The following CNOT4 variants were observed in gnomAD, a reference collection of about 807,000 sequenced individuals.
CNOT4 encodes CCR4-associated factor 4.
A neutral mutation model predicts 73.8 loss-of-function variants in CNOT4; 8 were observed. The observed-to-expected ratio is 0.11, with a 90% confidence interval of 0.06 to 0.20. The LOEUF is 0.20. Ranked by LOEUF, CNOT4 falls within the 10% of genes least tolerant of loss-of-function variation. The probability of loss-of-function intolerance (pLI) is 1.00; values close to 1 mark genes in which losing one functional copy is unlikely to be tolerated. For synonymous variants in CNOT4, 293 were observed against 321.1 expected, an observed-to-expected ratio of 0.91 and a Z score of 0.94; for missense variants, 564 against 883.4, an observed-to-expected ratio of 0.64 and a Z score of 4.58.
intron 6 of CNOT4, among the ~76,000 whole-genome samples, chr7:135,411,169 T>C (rs1797569720): frequency 6.6e-6 from 1 of 152,076 alleles, no homozygotes; most frequent in East Asian, 1.9e-4. Flanking sequence ...CTTCCATGAA[T>C]TAGTTTTTGC....
chr7:135,460,673 A>G (rs1800822719), intron 1 of CNOT4, among the ~76,000 whole-genome samples: 1 of 152,194 alleles, frequency 6.6e-6, no homozygotes, highest in Non-Finnish European at 1.5e-5. Context: ...TGTGAGAATT[A>G]CCCAAATGTG....
chr7:135,409,157 T>C (rs1797459062), intron 7 of CNOT4, among the ~76,000 whole-genome samples: 1 of 152,156 alleles, frequency 6.6e-6, no homozygotes, highest in South Asian at 2.1e-4. Context: ...AATAAACCAC[T>C]GTTTACTACA....
intron 2 of CNOT4, among the ~76,000 whole-genome samples, chr7:135,426,071 AGGCATGGT>A (rs2129484715): frequency 6.6e-6 from 1 of 152,040 alleles, no homozygotes; most frequent in Non-Finnish European, 1.5e-5. Context: ...AAAATTATCC[AGGCATGGT>A]GGTGTGCACC....
intron 1 of CNOT4, among the ~76,000 whole-genome samples, chr7:135,459,971 G>A (rs977373894): frequency 3.3e-5 from 5 of 152,188 alleles, no homozygotes; most frequent in Non-Finnish European, 7.3e-5. Context: ...GCACTTTTAT[G>A]TTATGGAAAT....
chr7:135,476,397 C>T (rs1199540362), intron 1 of CNOT4, among the ~76,000 whole-genome samples: 3 of 152,134 alleles, frequency 2.0e-5, no homozygotes, highest in Admixed American at 6.5e-5. Context: ...GTTCATTTTA[C>T]GTCCCTGTCT....
chr7:135,472,393 C>A (rs1396736053), intron 1 of CNOT4, among the ~76,000 whole-genome samples: 1 of 137,078 alleles, frequency 7.3e-6, no homozygotes, highest in African/African-American at 2.8e-5. Flanking sequence ...AGGAGAATGG[C>A]GTGAACCTGG....
intron 1 of CNOT4, among the ~76,000 whole-genome samples, chr7:135,496,340 G>A (rs757280216): frequency 6.6e-6 from 1 of 152,144 alleles, no homozygotes; most frequent in East Asian, 1.9e-4. Flanking sequence ...TCATCTGCTC[G>A]CCTTGGCCTC....
At chr7:135,489,865 A>C (rs1188713035) in intron 1 of CNOT4, among the ~76,000 whole-genome samples, 2 of 152,256 alleles carry the variant, frequency 1.3e-5, no homozygotes, top group Non-Finnish European at 2.9e-5. Context: ...ACATATATAC[A>C]ATGCCACAAC....
intron 1 of CNOT4, among the ~76,000 whole-genome samples, chr7:135,493,770 A>G (rs897560076): frequency 3.9e-5 from 6 of 152,226 alleles, no homozygotes; most frequent in Non-Finnish European, 8.8e-5. Context: ...TCAATGGAAG[A>G]CAACAGTTTG....
intron 1 of CNOT4, among the ~76,000 whole-genome samples, chr7:135,451,239 T>C (rs1245986585): frequency 1.3e-5 from 2 of 152,220 alleles, no homozygotes; most frequent in African/African-American, 4.8e-5. Context: ...CTGTACATAC[T>C]AACATACTGA....
intron 1 of CNOT4, among the ~76,000 whole-genome samples, chr7:135,471,337 T>C (rs951294792): frequency 6.6e-6 from 1 of 152,010 alleles, no homozygotes; most frequent in African/African-American, 2.4e-5. Flanking sequence ...AAACAGTTGA[T>C]ACTTTTAAGA....
In CNOT4 at chr7:135,443,810, A is replaced by G. The variant is rs140208647; in HGVS notation, c.-92-5387T>C. Among the ~76,000 whole-genome samples the G allele has an allele frequency of 6.6e-5, 10 of 152,348 alleles. No homozygotes were observed. The East Asian group carries it at 1.9e-3, about 29-fold the overall frequency. The stretch of plus-strand genomic sequence containing the variant: ...CTTATCACTTATAAAGTGTTGCTGT[A>G]TACATGGTTTTGTGTTTAGGGTCCT... On this transcript the variant is annotated intron_variant, in intron 1 of 11. Transcript: ENST00000541284.
chr7:135,500,072 A>G (rs1283900768), intron 1 of CNOT4, among the ~76,000 whole-genome samples: 1 of 152,218 alleles, frequency 6.6e-6, no homozygotes, highest in East Asian at 1.9e-4. Flanking sequence ...CATCATCTTA[A>G]TCACTATTTC....
At chr7:135,369,708 C>T (rs1028546289) in intron 10 of CNOT4, among the ~76,000 whole-genome samples, 1 of 152,158 alleles carries the variant, frequency 6.6e-6, no homozygotes, top group African/African-American at 2.4e-5. Context: ...TTTAGAAGGA[C>T]ATAGGGAATA....
chr7:135,503,548 G>A (rs1804145051), intron 1 of CNOT4, among the ~76,000 whole-genome samples: 1 of 152,036 alleles, frequency 6.6e-6, no homozygotes, highest in African/African-American at 2.4e-5. Context: ...GGTACATGGT[G>A]GTTCATACCT....
chr7:135,462,243 T>TA (rs879521774), intron 1 of CNOT4, among the ~76,000 whole-genome samples: 2,609 of 145,304 alleles, frequency 0.018, 25 homozygotes, highest in South Asian at 0.028. Flanking sequence ...GGAGTGCTTC[T>TA]AAAAAAAAAA....
In CNOT4 at chr7:135,484,548, G is replaced by A. The variant is rs530153564; in HGVS notation, c.-93+25341C>T. Among the ~76,000 whole-genome samples, 5 of 152,210 alleles carry A rather than the reference G, an allele frequency of 3.3e-5. No individual in the cohort carries two copies. In the South Asian group the frequency reaches 1.0e-3, roughly 32 times the overall value. On this transcript the variant is annotated intron_variant, in intron 1 of 11. Transcript: ENST00000541284. ...AGTCGGGCAGATCACTTGAGACCAG[G>A]AGTTTGCGACCAGCCTGGCCAACAT...
chr7:135,378,940 G>C (rs572424638), intron 10 of CNOT4, among the ~76,000 whole-genome samples: 63 of 148,748 alleles, frequency 4.2e-4, no homozygotes, highest in Non-Finnish European at 7.5e-4. Flanking sequence ...AGCCGTGTTT[G>C]CGCCACTGCA....
In CNOT4 at chr7:135,504,704, T is replaced by G. The variant is rs1298443768; in HGVS notation, c.-93+5185A>C. ...GGTTTCACCGTTTTAGCCGGGATGG[T>G]CTCGATCTCCTGATCTCGTGATCCG... is the stretch of plus-strand genomic sequence containing the variant. On this transcript the variant is annotated intron_variant, in intron 1 of 11. Transcript: ENST00000541284. Among the ~76,000 whole-genome samples the G allele has an allele frequency of 1.5e-4, 18 of 121,710 alleles. 5 individuals are homozygous for G. Among genetic ancestry groups the G allele is most frequent in the Admixed American group, 2.3e-4 (3 of 13,102 alleles). The allele number at this position is 121,710 out of a possible 152,430, so 79.8% of individuals were successfully genotyped here. A position where few individuals can be genotyped will look rare whatever the true frequency, so the allele number is the denominator to read the frequency against.
Sources: allele counts gnomAD v4.1 joint callset (sites outside exome capture counted in the v4.1 genomes callset), GRCh38; gene constraint gnomAD v4.1.1; transcripts MANE v1.5; gene names NCBI Gene and HGNC (gene_info 2026-07-23, HGNC 2026-07-21).